ABLIM1: variants seen among roughly 807,000 people sequenced by gnomAD.
ABLIM1 encodes the protein actin binding LIM protein 1.
A neutral mutation model predicts 107.0 loss-of-function variants in ABLIM1; 40 were observed. The ratio of observed to expected loss-of-function variants is 0.37; its 90% CI spans 0.29 to 0.49. The LOEUF is 0.49. Among genes scored for constraint, ABLIM1 ranks in the 20% least tolerant of loss-of-function variants. The pLI is 0.97. For missense variants in ABLIM1, 857 were observed against 1,008.5 expected (o/e 0.85, Z 2.04); for synonymous variants, 357 against 357.3 (o/e 1.00, Z 0.01).
At chr10:114,632,740 T>C in intron 1 of ABLIM1, 1 of 985,372 alleles carries the variant, frequency 1.0e-6, no homozygotes, top group Non-Finnish European at 1.2e-6. Context: ...GACTTCCCCC[T>C]TCTCCCTCTG....
chr10:114,622,850 C>T (rs566145151), intron 1 of ABLIM1, among the ~76,000 whole-genome samples: 44 of 152,272 alleles, frequency 2.9e-4, no homozygotes, highest in South Asian at 1.9e-3. Flanking sequence ...AAATATTGTA[C>T]AGTGGTAGTA....
chr10:114,736,678 C>T (rs2082186712), intron 1 of ABLIM1, among the ~76,000 whole-genome samples: 1 of 152,136 alleles, frequency 6.6e-6, no homozygotes, highest in Non-Finnish European at 1.5e-5. Context: ...AGAAATATTA[C>T]TTCATATATT....
chr10:114,771,515 T>C (rs181076958), upstream of ABLIM1, among the ~76,000 whole-genome samples: 31 of 152,230 alleles, frequency 2.0e-4, no homozygotes, highest in East Asian at 5.4e-3. Context: ...CATTTTGGAG[T>C]TGTGATATAT....
chr10:114,693,204 T>C (rs552083187), intron 1 of ABLIM1, among the ~76,000 whole-genome samples: 1 of 152,238 alleles, frequency 6.6e-6, no homozygotes, highest in Non-Finnish European at 1.5e-5. Flanking sequence ...GAGTTGGTTC[T>C]GGGTCCGACT....
At chr10:114,549,227 AC>A (rs2067739166) in intron 4 of ABLIM1, among the ~76,000 whole-genome samples, 1 of 152,094 alleles carries the variant, frequency 6.6e-6, no homozygotes, top group African/African-American at 2.4e-5. Flanking sequence ...TCTACAAAAT[AC>A]AAAAAATTAG....
intron 6 of ABLIM1, among the ~76,000 whole-genome samples, chr10:114,538,326 G>C (rs1165095831): frequency 6.6e-6 from 1 of 152,184 alleles, no homozygotes; most frequent in African/African-American, 2.4e-5. Context: ...AGTTCAGCAG[G>C]AGGGGTCTAA....
At chr10:114,602,564 C>CT (rs1181165996) in intron 1 of ABLIM1, among the ~76,000 whole-genome samples, 1 of 152,222 alleles carries the variant, frequency 6.6e-6, no homozygotes, top group Non-Finnish European at 1.5e-5. Flanking sequence ...CTCATCTAAC[C>CT]TGTTGCAGGC....
Position 114,692,002 on chromosome 10 carries a change from C to T in ABLIM1, c.-213+76059G>A, listed in dbSNP as rs78831414. 5.7e-4 allele frequency among the ~76,000 whole-genome samples: 87 copies of T among 152,330 alleles called. 1 individual carries two copies. Among genetic ancestry groups the T allele is most frequent in the Admixed American group, 2.2e-3 (34 of 15,310 alleles). On this transcript the variant is annotated intron_variant, in intron 1 of 15. Coordinates refer to the ABLIM1 transcript ENST00000651092. Reference sequence around the variant, plus strand: ...TTGTCTCTCTCCTGCACTGTTCACTCAGTGTGTATTACTTCTAAGCTGTTC... The same window carrying T: ...TTGTCTCTCTCCTGCACTGTTCACTTAGTGTGTATTACTTCTAAGCTGTTC...
chr10:114,632,130 T>G lies in ABLIM1; in HGVS notation c.244+25827A>C, dbSNP rs1220431387. The G allele has an allele frequency of 6.3e-5, 62 of 985,294 alleles. 1 individual carries two copies. In the Admixed American group the frequency reaches 2.1e-3, roughly 33 times the overall value. 61.0% of individuals were successfully genotyped at this position (985,294 alleles called of 1,614,324 possible). ...CCGCCCCGCTATCGCCCCCGCGCTC[T>G]TCTCCGCCCGCCCGCCGAGCTGCAG... On this transcript the variant is annotated intron_variant, in intron 1 of 22. Transcript: ENST00000533213.
At chr10:114,684,466 G>A in exon 1 of ABLIM1, 1 of 1,504,536 alleles carries the variant, frequency 6.6e-7, no homozygotes, top group Admixed American at 2.1e-5. Flanking sequence ...AGGAGTCTGT[G>A]GGCTGAACTG....
At chr10:114,485,448 A>C in intron 8 of ABLIM1, 1 of 1,392,110 alleles carries the variant, frequency 7.2e-7, no homozygotes, top group South Asian at 1.3e-5. Flanking sequence ...GAATTATTTT[A>C]AAAAATAAAA....
At chr10:114,536,527 C>T (rs935162003) in intron 6 of ABLIM1, among the ~76,000 whole-genome samples, 13 of 152,164 alleles carry the variant, frequency 8.5e-5, no homozygotes, top group African/African-American at 2.7e-4. Context: ...GGATTACAGG[C>T]GTGAGCCACC....
At position 114,657,937 on chromosome 10, in the gene ABLIM1, G is replaced by C; in HGVS notation, c.244+20C>G. ...ATCACAAAACACAAAACCATGTCCA[G>C]AGAGGGTTATTTTACTTACCAAAAG... On this transcript the variant is annotated intron_variant, in intron 1 of 22. Coordinates refer to ENST00000533213, the MANE Select transcript of ABLIM1 (RefSeq NM_002313.7). 6.3e-7 allele frequency: 1 copy of C among 1,589,588 alleles called. No homozygotes were observed. Among genetic ancestry groups the C allele is most frequent in the Non-Finnish European group, 8.6e-7 (1 of 1,160,452 alleles).
intron 2 of ABLIM1, among the ~76,000 whole-genome samples, chr10:114,593,723 A>G (rs1012800023): frequency 4.6e-5 from 7 of 152,178 alleles, no homozygotes; most frequent in African/African-American, 1.7e-4. Flanking sequence ...TTCAAAACAA[A>G]AAGTTATCAG....
At chr10:114,551,732 T>G (rs1205192282) in intron 4 of ABLIM1, among the ~76,000 whole-genome samples, 1 of 152,236 alleles carries the variant, frequency 6.6e-6, no homozygotes, top group Non-Finnish European at 1.5e-5. Context: ...CTCACCACTA[T>G]GATCATTCTG....
At chr10:114,744,060 G>A (rs61078246) in intron 1 of ABLIM1, among the ~76,000 whole-genome samples, 2,614 of 152,292 alleles carry the variant, frequency 0.017, 69 homozygotes, top group African/African-American at 0.06. Flanking sequence ...GAGATGTGGC[G>A]TGGGCGTAGA....
At chr10:114,612,574 C>T (rs2076881652) in intron 1 of ABLIM1, among the ~76,000 whole-genome samples, 1 of 152,246 alleles carries the variant, frequency 6.6e-6, no homozygotes, top group African/African-American at 2.4e-5. Flanking sequence ...GCAGGAATTT[C>T]TGAAGCATTA....
chr10:114,734,744 G>A (rs1172642600), intron 1 of ABLIM1, among the ~76,000 whole-genome samples: 4 of 152,166 alleles, frequency 2.6e-5, no homozygotes, highest in African/African-American at 4.8e-5. Context: ...TTTCAAAAGG[G>A]ATAAATCCTC....
intron 6 of ABLIM1, among the ~76,000 whole-genome samples, chr10:114,493,624 T>C (rs1412491340): frequency 6.6e-6 from 1 of 152,110 alleles, no homozygotes; most frequent in African/African-American, 2.4e-5. Flanking sequence ...ATAAAAACCA[T>C]TATTTCCTAT....
Sources: allele counts gnomAD v4.1 joint callset (sites outside exome capture counted in the v4.1 genomes callset), GRCh38; gene constraint gnomAD v4.1.1; transcripts MANE v1.5; gene names NCBI Gene and HGNC (gene_info 2026-07-23, HGNC 2026-07-21).